MNAT1: variants seen among roughly 807,000 people sequenced by gnomAD.
The protein encoded by MNAT1 is CDK-activating kinase assembly factor MAT1.
Under a neutral mutation model 42.0 loss-of-function variants are expected in MNAT1, and 43 were observed. The observed-to-expected ratio is 1.02, with a 90% confidence interval of 0.80 to 1.32. The LOEUF is 1.32. Among genes scored for constraint, MNAT1 ranks in the 40% most tolerant of loss-of-function variants. The pLI, the probability that MNAT1 is intolerant of heterozygous loss-of-function variation, is 0.00. For synonymous variants in MNAT1, 118 were observed against 120.0 expected (o/e 0.98, Z 0.11); for missense variants, 306 against 350.4 (o/e 0.87, Z 1.01).
chr14:60,735,013 G>A (rs1896264006), intron 1 of MNAT1, 62 bp downstream of exon 1: 1 of 1,481,972 alleles, frequency 6.7e-7, no homozygotes, highest in Admixed American at 1.7e-5. Flanking sequence ...GAGAGGACCG[G>A]GAGATGCTAG....
chr14:60,967,994 A>G (rs1453734244), intron 7 of MNAT1, among the ~76,000 whole-genome samples: 1 of 152,186 alleles, frequency 6.6e-6, no homozygotes. Context: ...CTCTTTCAGA[A>G]CTGTTTTTAG....
At chr14:60,753,004 A>T (rs962556979) in intron 1 of MNAT1, among the ~76,000 whole-genome samples, 2 of 152,210 alleles carry the variant, frequency 1.3e-5, no homozygotes, top group Non-Finnish European at 2.9e-5. Flanking sequence ...ACCTCAGGTG[A>T]CCCACCCACC....
chr14:60,914,292 C>T (rs2035461922), intron 7 of MNAT1, among the ~76,000 whole-genome samples: 2 of 152,210 alleles, frequency 1.3e-5, no homozygotes, highest in South Asian at 4.1e-4. Flanking sequence ...CGATGCCTTG[C>T]CCTGCTTCGG....
At chr14:60,869,143 A>T (rs981313532) in intron 6 of MNAT1, among the ~76,000 whole-genome samples, 11 of 149,404 alleles carry the variant, frequency 7.4e-5, no homozygotes, top group East Asian at 2.0e-4. Flanking sequence ...GGTTCAAGCA[A>T]TTCTCCTGCC....
At chr14:60,931,542 C>G (rs1489481771) in intron 7 of MNAT1, among the ~76,000 whole-genome samples, 1 of 152,176 alleles carries the variant, frequency 6.6e-6, no homozygotes, top group Non-Finnish European at 1.5e-5. Context: ...GTAAAAGATT[C>G]TGTGATAACA....
intron 7 of MNAT1, among the ~76,000 whole-genome samples, chr14:60,932,461 C>A (rs1261710167): frequency 6.6e-6 from 1 of 151,762 alleles, no homozygotes. Flanking sequence ...GAGGTTTTTT[C>A]CCTCCTTTAA....
chr14:60,762,477 C>T (rs966212562), intron 1 of MNAT1, among the ~76,000 whole-genome samples: 3 of 151,824 alleles, frequency 2.0e-5, no homozygotes, highest in Non-Finnish European at 2.9e-5. Flanking sequence ...GTTAGGAGTT[C>T]GAGACCAGCC....
intron 6 of MNAT1, among the ~76,000 whole-genome samples, chr14:60,821,967 G>A (rs2032902803): frequency 6.6e-6 from 1 of 152,110 alleles, no homozygotes; most frequent in Non-Finnish European, 1.5e-5. Context: ...TAAAAAAATT[G>A]TTTTTATAGA....
At chr14:60,737,151 C>T (rs2140280128) in intron 1 of MNAT1, among the ~76,000 whole-genome samples, 1 of 152,130 alleles carries the variant, frequency 6.6e-6, no homozygotes, top group East Asian at 1.9e-4. Flanking sequence ...AGAGAACTCA[C>T]TGATTTTTTT....
At chr14:60,799,686 C>T (rs1166642193) in intron 3 of MNAT1, among the ~76,000 whole-genome samples, 3 of 149,808 alleles carry the variant, frequency 2.0e-5, no homozygotes, top group African/African-American at 7.4e-5. Context: ...TCTGACTGAG[C>T]TATGATTAAA....
chr14:60,784,538 T>C (rs193152673), intron 1 of MNAT1, among the ~76,000 whole-genome samples: 4 of 151,944 alleles, frequency 2.6e-5, no homozygotes, highest in African/African-American at 9.7e-5. Flanking sequence ...TGGAGTGCAG[T>C]GGTGTGATCT....
chr14:60,834,068 T>G (rs2033303290), intron 6 of MNAT1, among the ~76,000 whole-genome samples: 1 of 152,200 alleles, frequency 6.6e-6, no homozygotes, highest in Non-Finnish European at 1.5e-5. Flanking sequence ...TTCTCTCTTG[T>G]TTATTAGTCT....
chr14:60,739,711 A>C (rs1013705581), intron 1 of MNAT1, among the ~76,000 whole-genome samples: 1 of 152,190 alleles, frequency 6.6e-6, no homozygotes, highest in Admixed American at 6.5e-5. Context: ...TTTTCTGTTC[A>C]AGGATGAACA....
chr14:60,848,848 A>T (rs2033746984), intron 6 of MNAT1, among the ~76,000 whole-genome samples: 1 of 152,180 alleles, frequency 6.6e-6, no homozygotes, highest in Non-Finnish European at 1.5e-5. Flanking sequence ...ACTAGGTAAA[A>T]GATACCATAG....
At chr14:60,768,764 ACTAGTAAATGGCTCAGC>A (rs1203504343) in intron 1 of MNAT1, among the ~76,000 whole-genome samples, 1 of 152,246 alleles carries the variant, frequency 6.6e-6, no homozygotes, top group Non-Finnish European at 1.5e-5. Flanking sequence ...AAGGAAACAA[ACTAGTAAATGGCTCAGC>A]CTAGATTCAG....
At chr14:60,885,785 G>A (rs2139474955) in intron 7 of MNAT1, among the ~76,000 whole-genome samples, 1 of 152,048 alleles carries the variant, frequency 6.6e-6, no homozygotes, top group East Asian at 1.9e-4. Flanking sequence ...AGCTCTATTT[G>A]TTTATTTTCA....
chr14:60,844,438 C>A (rs1184656380), intron 6 of MNAT1, among the ~76,000 whole-genome samples: 1 of 152,040 alleles, frequency 6.6e-6, no homozygotes, highest in Non-Finnish European at 1.5e-5. Flanking sequence ...GACTTATTGT[C>A]ATTTTTTTCC....
At chr14:60,878,729 C>T (rs1203419892) in intron 6 of MNAT1, among the ~76,000 whole-genome samples, 1 of 152,088 alleles carries the variant, frequency 6.6e-6, no homozygotes. Flanking sequence ...TGGACTACTT[C>T]CACCTCTTAG....
At chr14:60,809,234 A>G (rs187968357) in intron 4 of MNAT1, among the ~76,000 whole-genome samples, 37 of 152,258 alleles carry the variant, frequency 2.4e-4, no homozygotes, top group African/African-American at 8.2e-4. Flanking sequence ...AGTGAAAAGG[A>G]TACAAGTATA....
Sources: gnomAD v4.1 joint callset for allele counts (sites outside exome capture counted in the v4.1 genomes callset) on GRCh38, gnomAD v4.1.1 for gene constraint, MANE v1.5 for transcripts, NCBI Gene and HGNC (gene_info 2026-07-23, HGNC 2026-07-21) for gene names.